The following SLC25A21 variants were observed in gnomAD, a reference collection of about 807,000 sequenced individuals.
The protein encoded by SLC25A21 is solute carrier family 25 member 21.
Under a neutral mutation model 43.8 loss-of-function variants are expected in SLC25A21, and 47 were observed. The observed-to-expected ratio is 1.07, with a 90% CI of 0.85 to 1.37. SLC25A21 has a LOEUF of 1.37. SLC25A21 is among the 40% of genes most tolerant of loss of function. The pLI is 0.00. For synonymous variants in SLC25A21, 131 were observed against 121.3 expected, an observed-to-expected ratio of 1.08 and a Z score of -0.52; for missense variants, 352 against 350.2, an observed-to-expected ratio of 1.00 and a Z score of -0.04.
In SLC25A21 at chr14:36,897,807, A is replaced by C. The variant is rs564243580; in HGVS notation, c.71-22803T>G. Among the ~76,000 whole-genome samples, 570 of 152,288 alleles carry C rather than the reference A, an allele frequency of 3.7e-3. 4 individuals carry two copies. Among genetic ancestry groups the C allele is most frequent in the African/African-American group, 0.013 (536 of 41,572 alleles). On this transcript the variant is annotated intron_variant, in intron 1 of 9. Coordinates refer to ENST00000331299, the MANE Select transcript of SLC25A21 (RefSeq NM_030631.4). ...AGTTTGCTGGAGGTCCACTCCAGACACTGTTTGCCTGGGTATCAGCAGCAG... is the reference window on the plus strand; with the variant it reads ...AGTTTGCTGGAGGTCCACTCCAGACCCTGTTTGCCTGGGTATCAGCAGCAG...
chr14:36,685,816 G>A (rs1025773957), intron 7 of SLC25A21, among the ~76,000 whole-genome samples: 2 of 152,108 alleles, frequency 1.3e-5, no homozygotes, highest in Non-Finnish European at 2.9e-5. Flanking sequence ...CTCACATTAT[G>A]ATTTGTTATA....
intron 1 of SLC25A21, among the ~76,000 whole-genome samples, chr14:36,926,396 T>G (rs951189728): frequency 2.6e-5 from 4 of 151,054 alleles, no homozygotes; most frequent in African/African-American, 9.7e-5. Context: ...ACATTAAGAA[T>G]AAAAGAAAAA....
Position 36,944,613 on chromosome 14 carries a change from G to A in SLC25A21, c.71-69609C>T, listed in dbSNP as rs1037571333. Among the ~76,000 whole-genome samples, 11 of 152,276 alleles carry A rather than the reference G, an allele frequency of 7.2e-5. No individual in the cohort carries two copies. In the East Asian group the frequency reaches 1.5e-3, roughly 21 times the overall value. On this transcript the variant is annotated intron_variant, in intron 1 of 9. Transcript: ENST00000331299. ...CCGGCTCCAGTGTAAGCATAAACAA[G>A]TGACTACGAATGTCCTATTCAATAC...
At chr14:36,897,265 T>C (rs966586200) in intron 1 of SLC25A21, among the ~76,000 whole-genome samples, 1 of 152,174 alleles carries the variant, frequency 6.6e-6, no homozygotes, top group African/African-American at 2.4e-5. Context: ...TCTAAACTTC[T>C]CTTCTCGCTT....
chr14:36,910,188 T>C (rs935557396), intron 1 of SLC25A21, among the ~76,000 whole-genome samples: 1 of 152,206 alleles, frequency 6.6e-6, no homozygotes, highest in East Asian at 1.9e-4. Flanking sequence ...GAGATCATCA[T>C]GGATCACTCT....
chr14:36,908,693 C>T (rs1009482397), intron 1 of SLC25A21, among the ~76,000 whole-genome samples: 11 of 152,080 alleles, frequency 7.2e-5, no homozygotes, highest in African/African-American at 2.4e-4. Flanking sequence ...AGCCACATTG[C>T]TGTGGTTGTG....
At chr14:36,904,745 G>C (rs1429418881) in intron 1 of SLC25A21, among the ~76,000 whole-genome samples, 1 of 152,266 alleles carries the variant, frequency 6.6e-6, no homozygotes, top group East Asian at 1.9e-4. Context: ...AAACCCATCA[G>C]ATCTCTTGGG....
intron 2 of SLC25A21, among the ~76,000 whole-genome samples, chr14:36,840,878 T>A (rs970927467): frequency 2.0e-5 from 3 of 152,164 alleles, no homozygotes; most frequent in African/African-American, 4.8e-5. Flanking sequence ...TATATTTGTT[T>A]TTCAGGGTTT....
At chr14:36,754,711 A>G (rs568210192) in intron 3 of SLC25A21, among the ~76,000 whole-genome samples, 1 of 146,308 alleles carries the variant, frequency 6.8e-6, no homozygotes, top group East Asian at 2.0e-4. Context: ...TGGCACGAAC[A>G]TACAAAAGAC....
chr14:36,832,146 G>A lies in SLC25A21; in HGVS notation c.120-18145C>T, dbSNP rs116878051. On this transcript the variant is annotated intron_variant, in intron 2 of 9. Coordinates refer to ENST00000331299, the MANE Select transcript of SLC25A21 (RefSeq NM_030631.4). ...CGGTTTCTCAGGACAGTACCAGAGA[G>A]AAGCTGGAGCTGTTTGTGGAAAGAG... 3.8e-4 allele frequency among the ~76,000 whole-genome samples: 58 copies of A among 152,292 alleles called. No individual in the cohort carries two copies. In the East Asian group the frequency reaches 9.1e-3, roughly 24 times the overall value.
intron 1 of SLC25A21, among the ~76,000 whole-genome samples, chr14:36,981,449 C>T (rs1211691720): frequency 6.6e-6 from 1 of 152,162 alleles, no homozygotes; most frequent in Non-Finnish European, 1.5e-5. Context: ...AAATGTCCAA[C>T]AATGATAGAC....
At chr14:37,069,411 A>T (rs532006433) in intron 1 of SLC25A21, among the ~76,000 whole-genome samples, 1 of 152,352 alleles carries the variant, frequency 6.6e-6, no homozygotes, top group South Asian at 2.1e-4. Context: ...TCTATCCTTG[A>T]TGTGTGTACA....
At chr14:37,009,701 T>C (rs1242915730) in intron 1 of SLC25A21, among the ~76,000 whole-genome samples, 3 of 152,132 alleles carry the variant, frequency 2.0e-5, no homozygotes, top group Non-Finnish European at 4.4e-5. Context: ...CTTTTTCCAA[T>C]AAAAGCAAAA....
At chr14:37,098,138 T>C (rs989316909) in intron 1 of SLC25A21, 1 of 152,112 alleles carries the variant, frequency 6.6e-6, no homozygotes, top group African/African-American at 2.4e-5. Context: ...GGAATGGGGA[T>C]AGAGGGTTTT....
chr14:37,105,821 C>T (rs1297938070), intron 1 of SLC25A21, among the ~76,000 whole-genome samples: 4 of 152,056 alleles, frequency 2.6e-5, no homozygotes, highest in African/African-American at 9.6e-5. Flanking sequence ...CATCATATAG[C>T]CAAAATGCTT....
chr14:36,707,067 T>A (rs1459517663), intron 7 of SLC25A21, among the ~76,000 whole-genome samples: 1 of 152,212 alleles, frequency 6.6e-6, no homozygotes, highest in Non-Finnish European at 1.5e-5. Context: ...TTTGCTTCCA[T>A]CACTTGGGCT....
chr14:36,934,301 G>GA lies in SLC25A21; in HGVS notation c.71-59298dup, dbSNP rs540493412. Among the ~76,000 whole-genome samples, 735 of 151,948 alleles carry GA rather than the reference G, an allele frequency of 4.8e-3. 7 individuals are homozygous for GA. Among genetic ancestry groups the GA allele is most frequent in the Non-Finnish European group, 6.3e-3 (429 of 67,944 alleles). The stretch of plus-strand genomic sequence containing the variant: ...ACCTCATAGGCTTTTCTTGAAAGGT[G>GA]AAAAAATCTTAGGAAGGAGAATCTC... On this transcript the variant is annotated intron_variant, in intron 1 of 9. Coordinates refer to ENST00000331299, the MANE Select transcript of SLC25A21 (RefSeq NM_030631.4).
intron 3 of SLC25A21, among the ~76,000 whole-genome samples, chr14:36,782,708 A>C (rs979639543): frequency 6.6e-6 from 1 of 151,686 alleles, no homozygotes; most frequent in Non-Finnish European, 1.5e-5. Context: ...AAGAACAAAA[A>C]ACCAAACACC....
chr14:37,014,524 T>C (rs865898782), intron 1 of SLC25A21, among the ~76,000 whole-genome samples: 24 of 152,258 alleles, frequency 1.6e-4, no homozygotes, highest in Middle Eastern at 6.8e-3. Context: ...TTGCTATTTC[T>C]ACCAAATCTG....
Sources: allele counts gnomAD v4.1 joint callset (sites outside exome capture counted in the v4.1 genomes callset), GRCh38; gene constraint gnomAD v4.1.1; transcripts MANE v1.5; gene names NCBI Gene and HGNC (gene_info 2026-07-23, HGNC 2026-07-21).